Variants in PHACTR3 observed in about 807,000 individuals in gnomAD.
PHACTR3 encodes the protein phosphatase and actin regulator 3.
In PHACTR3, 16 loss-of-function variants were observed where a neutral mutation model predicts 66.8. The observed-to-expected ratio is 0.24, with a 90% CI of 0.16 to 0.36. The LOEUF is 0.36. Among genes scored for constraint, PHACTR3 ranks in the 10% least tolerant of loss-of-function variants. The pLI, the probability that PHACTR3 is intolerant of heterozygous loss-of-function variation, is 1.00. For missense variants in PHACTR3, 647 were observed against 719.9 expected, an observed-to-expected ratio of 0.90 and a Z score of 1.16; for synonymous variants, 323 against 292.1, an observed-to-expected ratio of 1.11 and a Z score of -1.08.
chr20:59,583,750 G>A (rs1320427331), intron 1 of PHACTR3, among the ~76,000 whole-genome samples: 1 of 152,252 alleles, frequency 6.6e-6, no homozygotes, highest in Non-Finnish European at 1.5e-5. Flanking sequence ...GAGGGGATGG[G>A]AGGACCGGGG....
At chr20:59,678,820 C>T (rs1012331342) in intron 1 of PHACTR3, among the ~76,000 whole-genome samples, 1 of 152,260 alleles carries the variant, frequency 6.6e-6, no homozygotes, top group Non-Finnish European at 1.5e-5. Flanking sequence ...AGGGTAGGCA[C>T]TCCTCCTCCT....
At chr20:59,676,210 T>C (rs1390627614) in intron 1 of PHACTR3, among the ~76,000 whole-genome samples, 1 of 152,228 alleles carries the variant, frequency 6.6e-6, no homozygotes, top group African/African-American at 2.4e-5. Context: ...TTCCTGGAAC[T>C]TGCCTAAGGC....
chr20:59,836,213 A>G (rs1244916565), intron 8 of PHACTR3: 3 of 389,916 alleles, frequency 7.7e-6, no homozygotes, highest in African/African-American at 4.3e-5. Flanking sequence ...TGAACAGTCC[A>G]GACCAGGCAA....
intron 7 of PHACTR3, among the ~76,000 whole-genome samples, chr20:59,792,557 A>G (rs928613856): frequency 5.0e-4 from 76 of 152,354 alleles, no homozygotes; most frequent in African/African-American, 1.8e-3. Context: ...GGCTATGCCT[A>G]TATGCAGAAT....
At chr20:59,611,748 C>T (rs190355882) in intron 1 of PHACTR3, among the ~76,000 whole-genome samples, 6 of 152,320 alleles carry the variant, frequency 3.9e-5, no homozygotes, top group Admixed American at 3.9e-4. Flanking sequence ...TGTTGTTCCC[C>T]GGCTCCCTTC....
intron 8 of PHACTR3, among the ~76,000 whole-genome samples, chr20:59,817,845 G>C (rs1003663497): frequency 1.3e-5 from 2 of 152,310 alleles, no homozygotes; most frequent in African/African-American, 4.8e-5. Flanking sequence ...ACATATTTGT[G>C]GACCAGATTT....
Position 59,847,430 on chromosome 20 carries a change from G to A in PHACTR3, c.*300G>A, listed in dbSNP as rs191841806. ...CCTTTCAACCTTGTTTTACAGTTCT[G>A]CAGTGTAATGGAGGACGGGCAACGT... On this transcript the variant is annotated 3_prime_UTR_variant, in exon 13 of 13. Transcript: ENST00000371015. The A allele has an allele frequency of 1.1e-3, 319 of 282,846 alleles. 1 individual carries two copies. The highest frequency in any genetic ancestry group is 6.0e-3 in the African/African-American group (284 of 47,446). 17.5% of individuals were successfully genotyped at this position (282,846 alleles called of 1,614,324 possible).
intron 1 of PHACTR3, among the ~76,000 whole-genome samples, chr20:59,620,434 A>G (rs1423569666): frequency 4.6e-5 from 7 of 152,350 alleles, no homozygotes; most frequent in African/African-American, 1.4e-4. Context: ...GCACGCGGCC[A>G]GCATGTCTCC....
rs6027090 is a variant in PHACTR3 at position 59,770,647 on chromosome 20, T to C, written c.752-2632T>C. Among the ~76,000 whole-genome samples, 1,401 of 152,336 alleles carry C rather than the reference T, an allele frequency of 9.2e-3. 19 individuals carry two copies. The highest frequency in any genetic ancestry group is 0.032 in the African/African-American group (1,339 of 41,568). Reference sequence around the variant, plus strand: ...GTTCATAGGCCAAATTCCTGGACTTTCTTGAAAAGTCTTCATCTCTGATCA... The same window carrying C: ...GTTCATAGGCCAAATTCCTGGACTTCCTTGAAAAGTCTTCATCTCTGATCA... On this transcript the variant is annotated intron_variant, in intron 5 of 12. Coordinates refer to ENST00000371015, the MANE Select transcript of PHACTR3 (RefSeq NM_080672.5).
At chr20:59,648,035 G>T (rs1285606671) in intron 1 of PHACTR3, among the ~76,000 whole-genome samples, 1 of 152,228 alleles carries the variant, frequency 6.6e-6, no homozygotes, top group East Asian at 1.9e-4. Flanking sequence ...TCTTATTAGT[G>T]AAGATTCTGT....
At chr20:59,742,085 G>A (rs1187296392) in intron 1 of PHACTR3, among the ~76,000 whole-genome samples, 2 of 152,206 alleles carry the variant, frequency 1.3e-5, no homozygotes, top group Admixed American at 6.5e-5. Flanking sequence ...TTCTTTGGAG[G>A]GCCCACAGAC....
At chr20:59,589,592 G>C (rs573576285) in intron 1 of PHACTR3, among the ~76,000 whole-genome samples, 1 of 152,182 alleles carries the variant, frequency 6.6e-6, no homozygotes, top group Admixed American at 6.5e-5. Flanking sequence ...TTGCTGCGAC[G>C]GGGTGCTGGT....
rs58643482 is a variant in PHACTR3, at chr20:59,592,869, C to T, written c.109+15252C>T. Reference sequence around the variant, plus strand: ...CTGAATAATATTCCAATGTCTGGATCTACCATAGTTTGTTTGTCTACTCAC... The same window carrying T: ...CTGAATAATATTCCAATGTCTGGATTTACCATAGTTTGTTTGTCTACTCAC... On this transcript the variant is annotated intron_variant, in intron 1 of 12. Transcript: ENST00000359926. Among the ~76,000 whole-genome samples the T allele has an allele frequency of 5.7e-3, 863 of 152,212 alleles. 8 individuals are homozygous for T. Among genetic ancestry groups the T allele is most frequent in the African/African-American group, 0.02 (811 of 41,512 alleles).
At position 59,597,191 on chromosome 20, in the gene PHACTR3, G is replaced by T. The variant is rs565390568; in HGVS notation, c.109+19574G>T. 1.1e-4 allele frequency among the ~76,000 whole-genome samples: 17 copies of T among 152,348 alleles called. No homozygotes were observed. In the East Asian group the frequency reaches 3.3e-3, roughly 29 times the overall value. ...GTAACCCTTGTTAGATACCCTGTCT[G>T]AGCCTCAACTTCATTGTTTGTAAGA... On this transcript the variant is annotated intron_variant, in intron 1 of 12. Coordinates refer to the PHACTR3 transcript ENST00000359926.
At chr20:59,825,819 A>G (rs377471362) in intron 8 of PHACTR3, among the ~76,000 whole-genome samples, 1 of 152,070 alleles carries the variant, frequency 6.6e-6, no homozygotes, top group East Asian at 1.9e-4. Context: ...CCCCAAATTC[A>G]TGTGTCACCC....
At chr20:59,627,696 G>C (rs1600950512) in intron 1 of PHACTR3, among the ~76,000 whole-genome samples, 1 of 152,286 alleles carries the variant, frequency 6.6e-6, no homozygotes, top group East Asian at 1.9e-4. Context: ...CTGTGATTCA[G>C]TTGTGCCCTC....
intron 1 of PHACTR3, among the ~76,000 whole-genome samples, chr20:59,577,774 C>T (rs1343491663): frequency 6.6e-6 from 1 of 152,134 alleles, no homozygotes; most frequent in Non-Finnish European, 1.5e-5. Context: ...GGTGGGCGCC[C>T]CGGGTCTCGG....
intron 1 of PHACTR3, among the ~76,000 whole-genome samples, chr20:59,641,101 T>G (rs2035083945): frequency 6.6e-6 from 1 of 152,146 alleles, no homozygotes; most frequent in South Asian, 2.1e-4. Flanking sequence ...CAATAGGATA[T>G]AGAGATTTAT....
At chr20:59,641,271 A>T (rs541480648) in intron 1 of PHACTR3, among the ~76,000 whole-genome samples, 1 of 152,142 alleles carries the variant, frequency 6.6e-6, no homozygotes, top group Non-Finnish European at 1.5e-5. Flanking sequence ...ATTTTCATCC[A>T]TTCATCCATT....
Sources: allele counts gnomAD v4.1 joint callset (sites outside exome capture counted in the v4.1 genomes callset), GRCh38; gene constraint gnomAD v4.1.1; transcripts MANE v1.5; gene names NCBI Gene and HGNC (gene_info 2026-07-23, HGNC 2026-07-21).